CCN1: variants seen among roughly 807,000 people sequenced by gnomAD.
CCN1 encodes cellular communication network factor 1.
CCN1 carries 12 observed loss-of-function variants against 38.1 expected under a neutral mutation model. The ratio of observed to expected loss-of-function variants is 0.31; its 90% CI spans 0.20 to 0.51. The LOEUF is 0.51. Ranked by LOEUF, CCN1 falls within the 20% of genes least tolerant of loss-of-function variation. The pLI, the probability that CCN1 is intolerant of heterozygous loss-of-function variation, is 0.97. For synonymous variants in CCN1, 202 were observed against 196.1 expected (o/e 1.03, Z -0.25); for missense variants, 466 against 490.9 (o/e 0.95, Z 0.48).
At chr1:85,581,723 A>G (rs1459592766) in intron 2 of CCN1, 145 bp downstream of exon 2, 3 of 1,177,266 alleles carry the variant, frequency 2.5e-6, no homozygotes, top group African/African-American at 1.5e-5. Context: ...CTGGAATGCA[A>G]TTCAGTGTGT....
Position 85,583,197 on chromosome 1 carries a change from A to G in CCN1, c.*155A>G. 2 of 818,450 alleles carry G rather than the reference A, an allele frequency of 2.4e-6. No individual in the cohort carries two copies. The highest frequency in any genetic ancestry group is 2.5e-4 in the Middle Eastern group (1 of 4,014). The allele number at this position is 818,450 out of a possible 1,614,324, so 50.7% of individuals were successfully genotyped here. On this transcript the variant is annotated 3_prime_UTR_variant, in exon 5 of 5. Transcript: ENST00000451137. The stretch of plus-strand genomic sequence containing the variant: ...TCTTGAGGAGCATTAAGGTATTTCG[A>G]AACTGCCAAGGGTGCTGGTGCGGAT...
chr1:85,581,625 A>G (rs1188409834), intron 2 of CCN1, 47 bp downstream of exon 2: 36 of 1,582,134 alleles, frequency 2.3e-5, no homozygotes, highest in Non-Finnish European at 3.1e-5. Flanking sequence ...ACTAGTCCCC[A>G]TAGTCCAGAA....
In CCN1 at chr1:85,580,916, GT is replaced by G. The variant is rs1659758199; in HGVS notation, c.-68del. The stretch of plus-strand genomic sequence containing the variant: ...ACCCCGACCCCGCTGCGCACGGCCT[GT>G]CCGCTGCACACCAGCTTGTTGGCGT... On this transcript the variant is annotated 5_prime_UTR_variant, in exon 1 of 5. Coordinates refer to ENST00000451137, the MANE Select transcript of CCN1 (RefSeq NM_001554.5). The G allele has an allele frequency of 4.2e-6, 6 of 1,438,638 alleles. No homozygotes were observed. The highest frequency in any genetic ancestry group is 1.5e-5 in the African/African-American group (1 of 67,494). 89.1% of individuals were successfully genotyped at this position (1,438,638 alleles called of 1,614,324 possible). A position where few individuals can be genotyped will look rare whatever the true frequency, so the allele number is the denominator to read the frequency against.
Position 85,581,590 on chromosome 1 carries a change from G to A in CCN1, c.277+12G>A, listed in dbSNP as rs1553150652. 4.3e-6 allele frequency: 7 copies of A among 1,611,562 alleles called. No individual in the cohort carries two copies. The East Asian group carries it at 6.7e-5, about 15-fold the overall frequency. ...GGGGATCTGCAGAGGTAAGATGCTTGTGGTTTGGCCCCTTTAAAAAAAATA... is the reference window on the plus strand; with the variant it reads ...GGGGATCTGCAGAGGTAAGATGCTTATGGTTTGGCCCCTTTAAAAAAAATA... On this transcript the variant is annotated intron_variant, in intron 2 of 4. Coordinates refer to ENST00000451137, the MANE Select transcript of CCN1 (RefSeq NM_001554.5).
At position 85,582,252 on chromosome 1, in the gene CCN1, T is replaced by C. The variant is rs1205757605; in HGVS notation, c.602T>C (p.Val201Ala). 1 of 1,614,080 alleles carries C rather than the reference T, an allele frequency of 6.2e-7. No individual in the cohort carries two copies. Among genetic ancestry groups the C allele is most frequent in the Non-Finnish European group, 8.5e-7 (1 of 1,180,004 alleles). The change falls in exon 3 of 5, where the codon GTT becomes GCT. Residue 201 changes from valine to alanine, a missense_variant. This residue lies in a region of CCN1 where 309 missense variants were observed against 319.9 expected (regional missense o/e 0.97). Transcript: ENST00000451137. The part of the protein sequence containing the change: ...ELTRNNELIA[V>A]GKGSSLKRLP... The stretch of plus-strand genomic sequence containing the variant: ...ACGAGAAACAATGAATTGATTGCAG[T>C]TGGAAAAGGCAGCTCACTGAAGCGG...
chr1:85,583,249 A>AATACTTTGCTTCATAGTATTGGAGC lies in CCN1; in HGVS notation c.*209_*233dup. The AATACTTTGCTTCATAGTATTGGAGC allele has an allele frequency of 1.7e-6, 1 of 593,258 alleles. No individual in the cohort carries two copies. Among genetic ancestry groups the AATACTTTGCTTCATAGTATTGGAGC allele is most frequent in the Non-Finnish European group, 3.0e-6 (1 of 338,372 alleles). 36.7% of individuals were successfully genotyped at this position (593,258 alleles called of 1,614,324 possible). A position where few individuals can be genotyped will look rare whatever the true frequency, so the allele number is the denominator to read the frequency against. On this transcript the variant is annotated 3_prime_UTR_variant, in exon 5 of 5. Coordinates refer to ENST00000451137, the MANE Select transcript of CCN1 (RefSeq NM_001554.5). ...GACACTAATGCAGCCACGATTGGAG[A>AATACTTTGCTTCATAGTATTGGAGC]ATACTTTGCTTCATAGTATTGGAGC...
rs755958207 is a variant in CCN1, at chr1:85,582,420, T to G, written c.639T>G (p.Phe213Leu). 5.0e-6 allele frequency: 8 copies of G among 1,614,122 alleles called. 1 individual carries two copies. In the South Asian group the frequency reaches 8.8e-5, roughly 18 times the overall value. ...KGSSLKRLPV[F>L]GMEPRILYNP... is the part of the protein sequence containing the mutation. Reference sequence around the variant, plus strand: ...TTCCCTCTTATATGTCTCTAGTTTTTGGAATGGAGCCTCGCATCCTATACA... The same window carrying G: ...TTCCCTCTTATATGTCTCTAGTTTTGGGAATGGAGCCTCGCATCCTATACA... The change falls in exon 4 of 5, where the codon TTT (phenylalanine) becomes TTG (leucine). Residue 213 changes from phenylalanine to leucine, a missense_variant. Physicochemically the swap from Phe to Leu is conservative, Grantham distance 22. Coordinates refer to ENST00000451137, the MANE Select transcript of CCN1 (RefSeq NM_001554.5).
At position 85,581,359 on chromosome 1, in the gene CCN1, T is replaced by C. The variant is rs1360304930; in HGVS notation, c.64-6T>C. On this transcript the variant is annotated splice_polypyrimidine_tract_variant and splice_region_variant and intron_variant, in intron 1 of 4. Transcript: ENST00000451137. ...GAGTCTCACGCGTATCTTCTCCCCC[T>C]TCCAGGCGCTCTCCACCTGCCCCGC... is the stretch of plus-strand genomic sequence containing the variant. The C allele has an allele frequency of 4.4e-6, 7 of 1,573,474 alleles. No individual in the cohort carries two copies. The East Asian group carries it at 1.4e-4, about 32-fold the overall frequency.
intron 1 of CCN1, 77 bp from the exon 2 acceptor site, chr1:85,581,288 C>T (rs558834066): frequency 2.1e-6 from 3 of 1,410,864 alleles, no homozygotes; most frequent in Admixed American, 2.1e-5. Flanking sequence ...CGGAGACCCC[C>T]GTCCCTCACT....
chr1:85,581,299 G>A lies in CCN1; in HGVS notation c.64-66G>A, dbSNP rs926944706. On this transcript the variant is annotated intron_variant, in intron 1 of 4. Coordinates refer to ENST00000451137, the MANE Select transcript of CCN1 (RefSeq NM_001554.5). ...GGGTCGGAGACCCCCGTCCCTCACTGCGGCAGCCGCGGCGCCCCTCCTGCG... is the reference window on the plus strand; with the variant it reads ...GGGTCGGAGACCCCCGTCCCTCACTACGGCAGCCGCGGCGCCCCTCCTGCG... The A allele has an allele frequency of 3.4e-6, 5 of 1,465,410 alleles. No individual in the cohort carries two copies. The Admixed American group carries it at 8.4e-5, about 25-fold the overall frequency. The allele number at this position is 1,465,410 out of a possible 1,614,324, so 90.8% of individuals were successfully genotyped here. A position where few individuals can be genotyped will look rare whatever the true frequency, so the allele number is the denominator to read the frequency against.
At chr1:85,581,668 C>A in intron 2 of CCN1, 90 bp downstream of exon 2, 2 of 1,456,070 alleles carry the variant, frequency 1.4e-6, no homozygotes, top group Non-Finnish European at 9.4e-7. Flanking sequence ...TATGGTGATG[C>A]TTTGTTGTTG....
At chr1:85,581,075 A>G in intron 1 of CCN1, 28 bp downstream of exon 1, 2 of 1,596,528 alleles carry the variant, frequency 1.3e-6, no homozygotes, top group Non-Finnish European at 1.7e-6. Flanking sequence ...TTTGCCACCT[A>G]TTCCCCGTCC....
chr1:85,581,453 G>A lies in CCN1; in HGVS notation c.152G>A (p.Gly51Asp). ...GTCGGGCTGGTCCGGGACGGCTGCG[G>A]CTGCTGTAAGGTCTGCGCCAAGCAG... ...PGVGLVRDGC[G>D]CCKVCAKQLN... The change falls in exon 2 of 5, where the codon GGC becomes GAC. Residue 51 changes from glycine (G) to aspartate (D), a missense_variant. Transcript: ENST00000451137. The A allele has an allele frequency of 1.9e-6, 3 of 1,611,294 alleles. No individual in the cohort carries two copies. Among genetic ancestry groups the A allele is most frequent in the Non-Finnish European group, 2.5e-6 (3 of 1,179,280 alleles).
In CCN1 at chr1:85,583,066, C is replaced by T; in HGVS notation, c.*24C>T. ...AAATGCTACCTGGGTTTCCAGGGCA[C>T]ACCTAGACAAACAAGGGAGAAGAGT... On this transcript the variant is annotated 3_prime_UTR_variant, in exon 5 of 5. Coordinates refer to ENST00000451137, the MANE Select transcript of CCN1 (RefSeq NM_001554.5). The T allele has an allele frequency of 1.9e-6, 3 of 1,594,462 alleles. No individual in the cohort carries two copies. The highest frequency in any genetic ancestry group is 1.1e-5 in the South Asian group (1 of 89,102).
In CCN1 at chr1:85,582,839, G is replaced by C. The variant is rs532164537; in HGVS notation, c.943G>C (p.Gly315Arg). 1 of 1,614,206 alleles carries C rather than the reference G, an allele frequency of 6.2e-7. No homozygotes were observed. The highest frequency in any genetic ancestry group is 1.1e-5 in the South Asian group (1 of 91,086). ...SVKKYRPKYC[G>R]SCVDGRCCTP... The stretch of plus-strand genomic sequence containing the variant: ...GAAGAAATACCGGCCCAAGTACTGC[G>C]GTTCCTGCGTGGACGGCCGATGCTG... The change falls in exon 5 of 5, where the codon GGT (glycine) becomes CGT (arginine). Residue 315 changes from glycine (G) to arginine (R), a missense_variant. Around this residue, in one of 3 missense-constraint regions of CCN1, gnomAD observed 309 missense variants for 319.9 expected, o/e 0.97. Transcript: ENST00000451137.
At position 85,580,919 on chromosome 1, in the gene CCN1, C is replaced by T. The variant is rs985416737; in HGVS notation, c.-66C>T. 1.1e-5 allele frequency: 16 copies of T among 1,458,376 alleles called. No homozygotes were observed. The Admixed American group carries it at 3.2e-4, about 29-fold the overall frequency. The allele number at this position is 1,458,376 out of a possible 1,614,324, so 90.3% of individuals were successfully genotyped here. Reference sequence around the variant, plus strand: ...CCGACCCCGCTGCGCACGGCCTGTCCGCTGCACACCAGCTTGTTGGCGTCT... The same window carrying T: ...CCGACCCCGCTGCGCACGGCCTGTCTGCTGCACACCAGCTTGTTGGCGTCT... On this transcript the variant is annotated 5_prime_UTR_variant, in exon 1 of 5. Transcript: ENST00000451137.
At position 85,583,191 on chromosome 1, in the gene CCN1, A is replaced by G. The variant is rs1659829058; in HGVS notation, c.*149A>G. 7 of 850,654 alleles carry G rather than the reference A, an allele frequency of 8.2e-6. No homozygotes were observed. The highest frequency in any genetic ancestry group is 3.6e-5 in the South Asian group (2 of 55,354). The allele number at this position is 850,654 out of a possible 1,614,324, so 52.7% of individuals were successfully genotyped here. A position where few individuals can be genotyped will look rare whatever the true frequency, so the allele number is the denominator to read the frequency against. The stretch of plus-strand genomic sequence containing the variant: ...GCTCATTCTTGAGGAGCATTAAGGT[A>G]TTTCGAAACTGCCAAGGGTGCTGGT... On this transcript the variant is annotated 3_prime_UTR_variant, in exon 5 of 5. Transcript: ENST00000451137.
In CCN1 at chr1:85,583,129, G is replaced by C. The variant is rs1659828362; in HGVS notation, c.*87G>C. The C allele has an allele frequency of 6.4e-6, 9 of 1,406,106 alleles. No individual in the cohort carries two copies. Among genetic ancestry groups the C allele is most frequent in the African/African-American group, 1.4e-5 (1 of 70,716 alleles). The allele number at this position is 1,406,106 out of a possible 1,614,324, so 87.1% of individuals were successfully genotyped here. A position where few individuals can be genotyped will look rare whatever the true frequency, so the allele number is the denominator to read the frequency against. ...ATCATGGAGAAAATGGGCGGGGGTG[G>C]TGTGGGTGATGGGACTCATTGTAGA... is the stretch of plus-strand genomic sequence containing the variant. On this transcript the variant is annotated 3_prime_UTR_variant, in exon 5 of 5. Coordinates refer to ENST00000451137, the MANE Select transcript of CCN1 (RefSeq NM_001554.5).
In CCN1 at chr1:85,580,937, T is replaced by G. The variant is rs937715945; in HGVS notation, c.-48T>G. The stretch of plus-strand genomic sequence containing the variant: ...GCCTGTCCGCTGCACACCAGCTTGT[T>G]GGCGTCTTCGTCGCCGCGCTCGCCC... On this transcript the variant is annotated 5_prime_UTR_variant, in exon 1 of 5. Coordinates refer to ENST00000451137, the MANE Select transcript of CCN1 (RefSeq NM_001554.5). 6.6e-7 allele frequency: 1 copy of G among 1,518,474 alleles called. No individual in the cohort carries two copies. The highest frequency in any genetic ancestry group is 8.8e-7 in the Non-Finnish European group (1 of 1,137,802). The allele number at this position is 1,518,474 out of a possible 1,614,324, so 94.1% of individuals were successfully genotyped here.
Sources: gnomAD v4.1 joint callset for allele counts on GRCh38, gnomAD v4.1.1 for gene constraint, gnomAD v4.1.1 regional missense constraint, MANE v1.5 for transcripts, NCBI Gene and HGNC (gene_info 2026-07-23, HGNC 2026-07-21) for gene names.